The following GAPDHS variants were observed in gnomAD, a reference collection of about 807,000 sequenced individuals.
GAPDHS encodes glyceraldehyde-3-phosphate dehydrogenase, testis-specific.
Under a neutral mutation model 48.7 loss-of-function variants are expected in GAPDHS, and 42 were observed. The ratio of observed to expected loss-of-function variants is 0.86; its 90% CI spans 0.67 to 1.12. GAPDHS has a LOEUF of 1.12. Among genes scored for constraint, GAPDHS ranks in the 50% most tolerant of loss-of-function variants. The pLI is 0.00. For missense variants in GAPDHS, 512 were observed against 557.7 expected (o/e 0.92, Z 0.82); for synonymous variants, 166 against 219.1 (o/e 0.76, Z 2.14).
rs201041968 is a variant in GAPDHS, at chr19:35,533,524, G to T, written c.-4G>T. On this transcript the variant is annotated 5_prime_UTR_variant, in exon 1 of 11. The change creates a new upstream start codon in the 5' untranslated region. Transcript: ENST00000222286. ...CCAGGCCAATGATAACCTTATAAGA[G>T]GCCATGTCGAAGCGCGACATCGTCC... 209 of 1,613,170 alleles carry T rather than the reference G, an allele frequency of 1.3e-4. No homozygotes were observed. Among genetic ancestry groups the T allele is most frequent in the Non-Finnish European group, 1.7e-4 (205 of 1,179,516 alleles).
chr19:35,542,923 G>T lies in GAPDHS; in HGVS notation c.660-22G>T, dbSNP rs2293681. 3 of 1,596,832 alleles carry T rather than the reference G, an allele frequency of 1.9e-6. No homozygotes were observed. The African/African-American group carries it at 4.0e-5, about 21-fold the overall frequency. ...CTCTGCGACTCACCTCACAGTGTCC[G>T]TGCACACCTTGGCTGTTTCAGCAAC... is the stretch of plus-strand genomic sequence containing the variant. On this transcript the variant is annotated intron_variant, in intron 6 of 10. Transcript: ENST00000222286.
At chr19:35,544,804 T>C (rs534770428) in intron 9 of GAPDHS, 105 bp from the exon 10 acceptor site, 4 of 764,074 alleles carry the variant, frequency 5.2e-6, no homozygotes, top group Non-Finnish European at 7.2e-6. Flanking sequence ...CATCAAATAT[T>C]ATAGATGAAT....
chr19:35,543,281 A>G, intron 7 of GAPDHS, 59 bp from the exon 8 acceptor site: 1 of 1,588,406 alleles, frequency 6.3e-7, no homozygotes, highest in Middle Eastern at 1.7e-4. Context: ...GTCCTGGAAA[A>G]AAGAGGCATG....
chr19:35,545,201 G>C lies in GAPDHS; in HGVS notation c.*31G>C, dbSNP rs923260921. On this transcript the variant is annotated 3_prime_UTR_variant, in exon 11 of 11. Coordinates refer to ENST00000222286, the MANE Select transcript of GAPDHS (RefSeq NM_014364.5). Reference sequence around the variant, plus strand: ...GAAGGTCCTTTCTTTCCTTCCCAGGGGCCGGGGCCGGAACATGTGCCTCCC... The same window carrying C: ...GAAGGTCCTTTCTTTCCTTCCCAGGCGCCGGGGCCGGAACATGTGCCTCCC... 1.3e-6 allele frequency: 2 copies of C among 1,576,884 alleles called. No homozygotes were observed. Among genetic ancestry groups the C allele is most frequent in the East Asian group, 2.2e-5 (1 of 44,722 alleles).
intron 4 of GAPDHS, among the ~76,000 whole-genome samples, chr19:35,539,393 G>A (rs1449668297): frequency 6.6e-6 from 1 of 152,172 alleles, no homozygotes; most frequent in Non-Finnish European, 1.5e-5. Context: ...CTGAACCAGT[G>A]TTTCAGTTTT....
intron 1 of GAPDHS, among the ~76,000 whole-genome samples, chr19:35,534,532 T>C (rs1336058429): frequency 6.6e-6 from 1 of 152,066 alleles, no homozygotes; most frequent in Non-Finnish European, 1.5e-5. Flanking sequence ...CCCCAGGCTT[T>C]TCTCCAACCG....
chr19:35,533,901 G>T (rs918599300), intron 1 of GAPDHS, among the ~76,000 whole-genome samples: 1 of 152,194 alleles, frequency 6.6e-6, no homozygotes, highest in Non-Finnish European at 1.5e-5. Flanking sequence ...GGAAGTGGGC[G>T]GGCTTAGGAG....
chr19:35,538,194 C>T (rs1173516059), intron 2 of GAPDHS, 113 bp from the exon 3 acceptor site: 3 of 702,122 alleles, frequency 4.3e-6, no homozygotes. Flanking sequence ...ATGGCCAGCA[C>T]AGAGGTTGTT....
At chr19:35,533,866 C>T (rs991305120) in intron 1 of GAPDHS, among the ~76,000 whole-genome samples, 1 of 152,208 alleles carries the variant, frequency 6.6e-6, no homozygotes, top group Non-Finnish European at 1.5e-5. Context: ...CGAGGGCCAT[C>T]GGAGGCTGCA....
chr19:35,534,610 T>C (rs866799135), intron 1 of GAPDHS, among the ~76,000 whole-genome samples: 1 of 151,950 alleles, frequency 6.6e-6, no homozygotes, highest in Non-Finnish European at 1.5e-5. Context: ...AGGAGGACCA[T>C]CTGAGTTTTC....
chr19:35,545,318 C>CGGCTGCGTCCCGTAT (rs2071539951), exon 11 of GAPDHS: 2 of 728,642 alleles, frequency 2.7e-6, no homozygotes, highest in South Asian at 3.0e-5. Flanking sequence ...ACAGTGCTCA[C>CGGCTGCGTCCCGTAT]GGCTGCGTCC....
intron 1 of GAPDHS, among the ~76,000 whole-genome samples, chr19:35,534,853 C>T (rs1054676445): frequency 6.6e-6 from 1 of 152,024 alleles, no homozygotes; most frequent in South Asian, 2.1e-4. Context: ...AGCTGGCCCC[C>T]GGCTCCCAGC....
chr19:35,533,725 C>A, intron 1 of GAPDHS, 131 bp downstream of exon 1: 2 of 633,484 alleles, frequency 3.2e-6, no homozygotes, highest in Non-Finnish European at 2.7e-6. Flanking sequence ...GGGGATCAGC[C>A]GCTCTCCCTC....
intron 2 of GAPDHS, among the ~76,000 whole-genome samples, chr19:35,537,430 C>T (rs557641433): frequency 6.6e-6 from 1 of 152,214 alleles, no homozygotes; most frequent in Admixed American, 6.5e-5. Flanking sequence ...CAGGGACAGC[C>T]AGGAAGTCAG....
chr19:35,533,620 G>C (rs775405904), intron 1 of GAPDHS, 26 bp downstream of exon 1: 1 of 1,586,386 alleles, frequency 6.3e-7, no homozygotes, highest in African/African-American at 1.3e-5. Context: ...GAGGGCGCGG[G>C]GGAGGGGTGG....
intron 8 of GAPDHS, 53 bp from the exon 9 acceptor site, chr19:35,543,612 G>A (rs2071521635): frequency 1.3e-6 from 2 of 1,595,632 alleles, no homozygotes; most frequent in African/African-American, 1.3e-5. Context: ...AAGGGGGAAT[G>A]GAGGGCAACG....
chr19:35,533,900 CG>C (rs1286335833), intron 1 of GAPDHS, among the ~76,000 whole-genome samples: 2 of 152,222 alleles, frequency 1.3e-5, no homozygotes, highest in Non-Finnish European at 2.9e-5. Flanking sequence ...GGGAAGTGGG[CG>C]GGCTTAGGAG....
At position 35,542,408 on chromosome 19, in the gene GAPDHS, C is replaced by T. The variant is rs528677188; in HGVS notation, c.539C>T (p.Ser180Leu). 1.4e-5 allele frequency: 23 copies of T among 1,598,302 alleles called. No individual in the cohort carries two copies. Among genetic ancestry groups the T allele is most frequent in the African/African-American group, 5.3e-5 (4 of 74,840 alleles). ...TGVYLSIQAASDHISAGAQRV... is the reference protein window; with the variant it reads ...TGVYLSIQAALDHISAGAQRV... ...GTGTACCTCTCCATACAGGCAGCTTCGGTAAGCTGGGGAGAGGTGCCCAGG... is the reference window on the plus strand; with the variant it reads ...GTGTACCTCTCCATACAGGCAGCTTTGGTAAGCTGGGGAGAGGTGCCCAGG... Residue 180 changes from serine (S) to leucine (L), a missense_variant and splice_region_variant, in exon 5 of 11, where the codon TCG becomes TTG. Coordinates refer to ENST00000222286, the MANE Select transcript of GAPDHS (RefSeq NM_014364.5).
chr19:35,544,962 G>A lies in GAPDHS; in HGVS notation c.1110G>A (p.Lys370=). The A allele has an allele frequency of 6.2e-7, 1 of 1,613,984 alleles. No homozygotes were observed. ...GDTHSSIFDA[K]AGIALNDNFV... is the part of the protein sequence containing the mutation. Reference sequence around the variant, plus strand: ...CCCACTCGTCCATCTTCGATGCTAAGGCCGGCATTGCGCTCAATGACAATT... The same window carrying A: ...CCCACTCGTCCATCTTCGATGCTAAAGCCGGCATTGCGCTCAATGACAATT... The change falls in exon 10 of 11, where the codon AAG becomes AAA. Residue 370 remains lysine, a synonymous_variant. Coordinates refer to ENST00000222286, the MANE Select transcript of GAPDHS (RefSeq NM_014364.5).
Sources: allele counts gnomAD v4.1 joint callset (sites outside exome capture counted in the v4.1 genomes callset), GRCh38; gene constraint gnomAD v4.1.1; transcripts MANE v1.5; gene names NCBI Gene and HGNC (gene_info 2026-07-23, HGNC 2026-07-21).